The following PIWIL1 variants were observed in gnomAD, a reference collection of about 807,000 sequenced individuals.
PIWIL1 encodes the protein piwi-like protein 1.
In PIWIL1, 73 loss-of-function variants were observed where a neutral mutation model predicts 114.4. The observed-to-expected ratio is 0.64, with a 90% CI of 0.53 to 0.78. The LOEUF (loss-of-function observed/expected upper bound fraction) is 0.78. Ranked by LOEUF, PIWIL1 falls within the 30% of genes least tolerant of loss-of-function variation. The pLI is 0.00. For missense variants in PIWIL1, 723 were observed against 1,063.1 expected, an observed-to-expected ratio of 0.68 and a Z score of 4.45; for synonymous variants, 375 against 369.0, an observed-to-expected ratio of 1.02 and a Z score of -0.19.
downstream of PIWIL1, among the ~76,000 whole-genome samples, chr12:130,376,797 A>G (rs116042428): frequency 0.032 from 4,908 of 152,276 alleles, 182 homozygotes; most frequent in African/African-American, 0.09. Context: ...AAGTAGTCAC[A>G]GTGATGAAGT....
At position 130,354,983 on chromosome 12, in the gene PIWIL1, C is replaced by T. The variant is rs750875858; in HGVS notation, c.1267C>T (p.Arg423Ter). 9 of 1,606,716 alleles carry T rather than the reference C, an allele frequency of 5.6e-6. No homozygotes were observed. Among genetic ancestry groups the T allele is most frequent in the East Asian group, 2.2e-5 (1 of 44,844 alleles). ...TPEQRQREVGRLIDYIHKNDN... is the reference protein window; with the variant it reads ...TPEQRQREVG ...AGAGCAAAGGCAGCGTGAAGTGGGA[C>T]GACTCATTGATTACATTCATAAGTA... Residue 423 changes from arginine (R) to a stop codon, truncating the protein, a stop_gained, in exon 11 of 21, where the codon CGA becomes TGA. Transcript: ENST00000245255. LOFTEE classifies it high-confidence loss of function.
intron 16 of PIWIL1, among the ~76,000 whole-genome samples, chr12:130,362,410 T>C (rs2073540226): frequency 6.6e-6 from 1 of 152,224 alleles, no homozygotes; most frequent in Non-Finnish European, 1.5e-5. Flanking sequence ...AAACTTACAA[T>C]GAATAGTTTC....
chr12:130,380,847 C>G, the PIWIL1 span, among the ~76,000 whole-genome samples: 1 of 152,190 alleles, frequency 6.6e-6, no homozygotes, highest in African/African-American at 2.4e-5. Flanking sequence ...GGGTGTCTGG[C>G]ACCTCCATTT....
chr12:130,411,551 C>A, the PIWIL1 span, among the ~76,000 whole-genome samples: 1 of 105,418 alleles, frequency 9.5e-6, no homozygotes, highest in African/African-American at 2.9e-5. Flanking sequence ...AGAAAAATAG[C>A]ATAAAAAATT....
At chr12:130,383,507 A>G in the PIWIL1 span, 1 of 152,196 alleles carries the variant, frequency 6.6e-6, no homozygotes. Flanking sequence ...TCCCTCTAAT[A>G]TAATGATGGG....
At chr12:130,424,919 G>A in the PIWIL1 span, 3,076 of 1,029,056 alleles carry the variant, frequency 3.0e-3, 91 homozygotes, top group Admixed American at 0.073. This position sits in a 1 kb window ranked among gnomAD's most constrained non-coding sequence, Gnocchi z 9.8. Flanking sequence ...CATGAAGTGG[G>A]GGCCAGGGGA....
At chr12:130,344,871 A>G (rs2073029644) in intron 3 of PIWIL1, among the ~76,000 whole-genome samples, 1 of 152,210 alleles carries the variant, frequency 6.6e-6, no homozygotes, top group African/African-American at 2.4e-5. Flanking sequence ...GGCCATCCCT[A>G]ACCATGGGGA....
chr12:130,418,141 G>T, the PIWIL1 span, among the ~76,000 whole-genome samples: 2 of 152,198 alleles, frequency 1.3e-5, no homozygotes, highest in Middle Eastern at 3.2e-3. Context: ...TCTAACAAAA[G>T]CACTTTGGCT....
At chr12:130,378,561 A>G in the PIWIL1 span, among the ~76,000 whole-genome samples, 1 of 149,392 alleles carries the variant, frequency 6.7e-6, no homozygotes, top group Non-Finnish European at 1.5e-5. Flanking sequence ...TCTTCTAAGT[A>G]TTTATGCCCT....
chr12:130,404,203 T>TAC, the PIWIL1 span, among the ~76,000 whole-genome samples: 66 of 152,068 alleles, frequency 4.3e-4, no homozygotes, highest in Middle Eastern at 3.4e-3. Context: ...GGGGGACATG[T>TAC]ACACACACAC....
At chr12:130,373,844 G>A (rs1565960960), downstream of PIWIL1, among the ~76,000 whole-genome samples, 1 of 152,204 alleles carries the variant, frequency 6.6e-6, no homozygotes, top group East Asian at 1.9e-4. Context: ...AGTACACGGA[G>A]CACTGTCAGA....
At chr12:130,352,571 C>T (rs1489551551) in intron 9 of PIWIL1, among the ~76,000 whole-genome samples, 24 of 152,130 alleles carry the variant, frequency 1.6e-4, no homozygotes, top group Admixed American at 1.4e-3. Context: ...TCCAGCTACT[C>T]GCGAGGCTGA....
At chr12:130,338,845 AGGGCCGGGGTGCGGGGGTGCAG>A (rs1240640284) in intron 1 of PIWIL1, among the ~76,000 whole-genome samples, 2 of 35,588 alleles carry the variant, frequency 5.6e-5, no homozygotes, top group African/African-American at 1.2e-4. Context: ...CCGGGGCTGT[AGGGCCGGGGTGCGGGGGTGCAG>A]GGGCCGGGGT....
At chr12:130,342,538 T>G in intron 1 of PIWIL1, 42 bp from the exon 2 acceptor site, 1 of 1,115,364 alleles carries the variant, frequency 9.0e-7, no homozygotes. Flanking sequence ...CAAATGCGAT[T>G]GCCTCCATTG....
chr12:130,365,988 G>A (rs894220407), intron 18 of PIWIL1, among the ~76,000 whole-genome samples: 1 of 152,176 alleles, frequency 6.6e-6, no homozygotes, highest in Non-Finnish European at 1.5e-5. Context: ...GCTTACTCAA[G>A]TACTCTCACT....
intron 1 of PIWIL1, among the ~76,000 whole-genome samples, chr12:130,341,726 G>A (rs1290636845): frequency 6.6e-6 from 1 of 152,168 alleles, no homozygotes; most frequent in African/African-American, 2.4e-5. Context: ...TGTCTAAAAT[G>A]TGAAGGAGTT....
chr12:130,349,087 C>G (rs2073147216), intron 7 of PIWIL1, 152 bp from the exon 8 acceptor site: 1 of 574,088 alleles, frequency 1.7e-6, no homozygotes, highest in African/African-American at 1.9e-5. Flanking sequence ...GGTCTTAAAG[C>G]TGGAACCATG....
chr12:130,404,203 TAC>T, the PIWIL1 span, among the ~76,000 whole-genome samples: 24 of 152,052 alleles, frequency 1.6e-4, no homozygotes, highest in Admixed American at 3.3e-4. Flanking sequence ...GGGGGACATG[TAC>T]ACACACACAC....
At chr12:130,346,707 A>G in intron 5 of PIWIL1, 123 bp downstream of exon 5, 3 of 880,986 alleles carry the variant, frequency 3.4e-6, no homozygotes, top group Non-Finnish European at 5.2e-6. Flanking sequence ...CTTGGAATAA[A>G]CACATAGGGT....
Sources: allele counts gnomAD v4.1 joint callset (sites outside exome capture counted in the v4.1 genomes callset), GRCh38; gene constraint gnomAD v4.1.1; non-coding constraint Gnocchi (gnomAD v3.1); transcripts MANE v1.5; gene names NCBI Gene and HGNC (gene_info 2026-07-23, HGNC 2026-07-21).